HECW1: variants seen among roughly 807,000 people sequenced by gnomAD.
HECW1 encodes HECT, C2 and WW domain containing E3 ubiquitin protein ligase 1.
HECW1 carries 61 observed loss-of-function variants against 182.3 expected under a neutral mutation model. The observed-to-expected ratio is 0.33, with a 90% CI of 0.27 to 0.41. HECW1 has a LOEUF of 0.41. Ranked by LOEUF, HECW1 falls within the 10% of genes least tolerant of loss-of-function variation. HECW1 has a pLI of 1.00. For synonymous variants in HECW1, 859 were observed against 832.6 expected (o/e 1.03, Z -0.55); for missense variants, 1,739 against 2,108.9 (o/e 0.82, Z 3.44).
At chr7:43,248,676 TCC>T (rs1270333348) in intron 3 of HECW1, 1 of 137,056 alleles carries the variant, frequency 7.3e-6, no homozygotes, top group African/African-American at 2.9e-5. Context: ...CTCTCCCTCC[TCC>T]TCCTCCTCCT....
intron 3 of HECW1, among the ~76,000 whole-genome samples, chr7:43,268,272 T>C (rs1487035445): frequency 6.6e-6 from 1 of 152,216 alleles, no homozygotes; most frequent in Non-Finnish European, 1.5e-5. Flanking sequence ...AGAAGGAGAC[T>C]CGCAGTGTTC....
At chr7:43,355,713 C>T (rs1382776855) in intron 5 of HECW1, among the ~76,000 whole-genome samples, 1 of 152,094 alleles carries the variant, frequency 6.6e-6, no homozygotes, top group Admixed American at 6.5e-5. Flanking sequence ...AACCAGAGGC[C>T]AGGCACAGTA....
chr7:43,155,541 T>G (rs1326016941), intron 2 of HECW1, among the ~76,000 whole-genome samples: 1 of 152,224 alleles, frequency 6.6e-6, no homozygotes, highest in Non-Finnish European at 1.5e-5. Context: ...AAATTTGTAT[T>G]TTACTTTGGC....
chr7:43,433,449 A>G (rs1353617889), intron 8 of HECW1, among the ~76,000 whole-genome samples: 1 of 152,212 alleles, frequency 6.6e-6, no homozygotes, highest in Admixed American at 6.5e-5. Context: ...ACTATTGTGG[A>G]AGCTTCCAGA....
chr7:43,308,254 AT>A (rs1808000740), intron 3 of HECW1, among the ~76,000 whole-genome samples: 5 of 98,540 alleles, frequency 5.1e-5, no homozygotes, highest in East Asian at 2.2e-4. Context: ...ATATATATAT[AT>A]TATATGATAT....
intron 5 of HECW1, among the ~76,000 whole-genome samples, chr7:43,332,803 T>C (rs1811664567): frequency 6.6e-6 from 1 of 152,214 alleles, no homozygotes; most frequent in Admixed American, 6.5e-5. Context: ...GCCATCCCAA[T>C]GTACCTGGCA....
At chr7:43,211,943 T>C (rs1233239526) in intron 2 of HECW1, among the ~76,000 whole-genome samples, 1 of 152,222 alleles carries the variant, frequency 6.6e-6, no homozygotes, top group Non-Finnish European at 1.5e-5. Context: ...TTCATTTTAA[T>C]GACTTTACCT....
intron 2 of HECW1, among the ~76,000 whole-genome samples, chr7:43,169,834 A>G (rs1212091201): frequency 6.6e-6 from 1 of 151,760 alleles, no homozygotes; most frequent in South Asian, 2.1e-4. Context: ...TCTTAAACAC[A>G]TCTCATCTTC....
rs1429805007 is a variant in HECW1 at position 43,466,539 on chromosome 7, G to A, written c.2884G>A (p.Glu962Lys). ...AGCGGTCAAGTTCATCACCAACCCC[G>A]AGTTCTTCACTGTGCTACATGCCAA... ...SPAVKFITNP[E>K]FFTVLHANYS... The change falls in exon 15 of 30, where the codon GAG becomes AAG. Residue 962 changes from glutamate (E) to lysine (K), a missense_variant. By Grantham distance (56) the Glu-to-Lys change is moderately conservative (BLOSUM62 1). Transcript: ENST00000395891. The A allele has an allele frequency of 8.7e-6, 14 of 1,613,726 alleles. No individual in the cohort carries two copies. The highest frequency in any genetic ancestry group is 2.2e-5 in the South Asian group (2 of 91,074).
At chr7:43,241,915 G>A (rs1164664298) in intron 2 of HECW1, among the ~76,000 whole-genome samples, 3 of 152,094 alleles carry the variant, frequency 2.0e-5, no homozygotes, top group African/African-American at 4.8e-5. Flanking sequence ...GCCAAGGAGT[G>A]GGGGGTGTGG....
At chr7:43,425,225 T>TCACACA (rs61442575) in intron 8 of HECW1, among the ~76,000 whole-genome samples, 218 of 147,542 alleles carry the variant, frequency 1.5e-3, no homozygotes, top group Middle Eastern at 3.5e-3. Context: ...ACCAAGACAC[T>TCACACA]CACACACACA....
intron 17 of HECW1, among the ~76,000 whole-genome samples, chr7:43,481,921 G>A (rs1224973816): frequency 6.7e-6 from 1 of 148,974 alleles, no homozygotes; most frequent in Non-Finnish European, 1.5e-5. Context: ...CTTGCAGTGA[G>A]CCGAGATGGC....
At chr7:43,314,012 T>A (rs1808873963) in intron 4 of HECW1, among the ~76,000 whole-genome samples, 1 of 152,040 alleles carries the variant, frequency 6.6e-6, no homozygotes, top group South Asian at 2.1e-4. Context: ...TGAAATGGAG[T>A]CTCACTATAT....
At chr7:43,292,077 G>A (rs1805465950) in intron 3 of HECW1, among the ~76,000 whole-genome samples, 1 of 152,178 alleles carries the variant, frequency 6.6e-6, no homozygotes, top group South Asian at 2.1e-4. Flanking sequence ...TTCCTTTATA[G>A]ATGTAAATTT....
At chr7:43,410,387 G>A (rs922341555) in intron 8 of HECW1, among the ~76,000 whole-genome samples, 1 of 152,116 alleles carries the variant, frequency 6.6e-6, no homozygotes, top group South Asian at 2.1e-4. Context: ...ATCCCATCGT[G>A]AGGACCCTAT....
At chr7:43,264,814 A>G (rs1200824805) in intron 3 of HECW1, among the ~76,000 whole-genome samples, 1 of 149,442 alleles carries the variant, frequency 6.7e-6, no homozygotes, top group African/African-American at 2.5e-5. Context: ...ACTGCACTCC[A>G]GCCCGGGCGA....
intron 2 of HECW1, among the ~76,000 whole-genome samples, chr7:43,220,560 A>G (rs1006787038): frequency 1.3e-5 from 2 of 152,166 alleles, no homozygotes; most frequent in African/African-American, 4.8e-5. Flanking sequence ...CACCAGCTCT[A>G]GCATAAACTA....
intron 3 of HECW1, chr7:43,274,378 C>T (rs1584279585): frequency 6.2e-6 from 4 of 644,964 alleles, no homozygotes; most frequent in Admixed American, 4.9e-5. Flanking sequence ...GGTCCCCCTG[C>T]GGGTAAAGAA....
At chr7:43,421,617 A>G (rs2076186589) in intron 8 of HECW1, among the ~76,000 whole-genome samples, 1 of 152,222 alleles carries the variant, frequency 6.6e-6, no homozygotes. Flanking sequence ...TGGAACAAAG[A>G]CTTCAACAGC....
Sources: allele counts gnomAD v4.1 joint callset (sites outside exome capture counted in the v4.1 genomes callset), GRCh38; gene constraint gnomAD v4.1.1; transcripts MANE v1.5; gene names NCBI Gene and HGNC (gene_info 2026-07-23, HGNC 2026-07-21).